Variants in SEPTIN11 observed in about 807,000 individuals in gnomAD.
SEPTIN11 encodes septin 11, also known as septin-11.
A neutral mutation model predicts 51.4 loss-of-function variants in SEPTIN11; 25 were observed. That is an observed-to-expected ratio of 0.49 (90% CI 0.35 to 0.68). SEPTIN11 has a LOEUF of 0.68. SEPTIN11 is among the 30% of genes least tolerant of loss of function. The probability of loss-of-function intolerance (pLI) is 0.00; values close to 1 mark genes in which losing one functional copy is unlikely to be tolerated. For synonymous variants in SEPTIN11, 174 were observed against 184.1 expected (o/e 0.95, Z 0.44); for missense variants, 381 against 520.8 (o/e 0.73, Z 2.61).
chr4:77,010,328 A>G (rs570850526), intron 3 of SEPTIN11, among the ~76,000 whole-genome samples: 4 of 152,196 alleles, frequency 2.6e-5, no homozygotes, highest in South Asian at 4.2e-4. Context: ...AAATATTATT[A>G]TTATTATGCA....
chr4:77,009,048 G>T (rs1277419762), intron 3 of SEPTIN11, among the ~76,000 whole-genome samples: 1 of 152,214 alleles, frequency 6.6e-6, no homozygotes, highest in Non-Finnish European at 1.5e-5. Flanking sequence ...TCATCAAGAA[G>T]AAATTATTTC....
At chr4:76,999,570 C>T (rs1376647581) in intron 2 of SEPTIN11, among the ~76,000 whole-genome samples, 2 of 152,016 alleles carry the variant, frequency 1.3e-5, no homozygotes, top group African/African-American at 2.4e-5. Context: ...ATTATGATCC[C>T]GGTAAGGAAA....
At chr4:76,949,955 G>T in intron 1 of SEPTIN11, 25 bp downstream of exon 1, 1 of 1,451,826 alleles carries the variant, frequency 6.9e-7, no homozygotes, top group Non-Finnish European at 9.0e-7. Flanking sequence ...CTCGCCTGCT[G>T]CTCCTCGGGC....
At chr4:76,957,723 T>C (rs1721624461) in intron 1 of SEPTIN11, among the ~76,000 whole-genome samples, 1 of 151,970 alleles carries the variant, frequency 6.6e-6, no homozygotes, top group East Asian at 1.9e-4. Flanking sequence ...CACACAGGCT[T>C]CCCATTTTCT....
At chr4:76,968,595 A>G (rs954872842) in intron 1 of SEPTIN11, among the ~76,000 whole-genome samples, 8 of 152,194 alleles carry the variant, frequency 5.3e-5, no homozygotes, top group Non-Finnish European at 1.0e-4. Context: ...GAACATTTTT[A>G]TTGATAAAAT....
chr4:76,972,878 T>A (rs570670844), intron 1 of SEPTIN11: 1 of 152,202 alleles, frequency 6.6e-6, no homozygotes, highest in Non-Finnish European at 1.5e-5. Flanking sequence ...AACAGACTTA[T>A]GAGTAGATGC....
intron 1 of SEPTIN11, among the ~76,000 whole-genome samples, chr4:76,970,940 A>G (rs1722212585): frequency 6.6e-6 from 1 of 152,218 alleles, no homozygotes; most frequent in Non-Finnish European, 1.5e-5. Flanking sequence ...AACTACCAAC[A>G]TGCTTGATGA....
In SEPTIN11 at chr4:76,995,590, C is replaced by T. The variant is rs144695815; in HGVS notation, c.28-835C>T. 1.2e-3 allele frequency among the ~76,000 whole-genome samples: 176 copies of T among 152,172 alleles called. 2 individuals are homozygous for T. The East Asian group carries it at 0.028, about 25-fold the overall frequency. On this transcript the variant is annotated intron_variant, in intron 1 of 9. Transcript: ENST00000264893. ...TAACCATGATATTATAACTGAGGGA[C>T]TGTAGCTGATCTCTGCATCTTGAGA... is the stretch of plus-strand genomic sequence containing the variant.
intron 5 of SEPTIN11, among the ~76,000 whole-genome samples, chr4:77,016,633 C>CATAGATATATATATATATAT (rs1725289338): frequency 1.4e-5 from 1 of 72,746 alleles, no homozygotes. Context: ...TATATATACA[C>CATAGATATATATATATATAT]ATATATATAT....
At chr4:76,957,412 CTAGAGTATCGGTTTTACCATT>C (rs1333578470) in intron 1 of SEPTIN11, among the ~76,000 whole-genome samples, 1 of 152,084 alleles carries the variant, frequency 6.6e-6, no homozygotes, top group Non-Finnish European at 1.5e-5. Flanking sequence ...TGCTCCGGTT[CTAGAGTATCGGTTTTACCATT>C]TAACAAGCTT....
At chr4:77,011,313 C>T (rs190305795) in intron 3 of SEPTIN11, among the ~76,000 whole-genome samples, 7 of 152,234 alleles carry the variant, frequency 4.6e-5, no homozygotes, top group Admixed American at 1.3e-4. Context: ...TTTTGAGGCC[C>T]AGTTTTGGCC....
chr4:76,968,927 C>T (rs993133396), intron 1 of SEPTIN11, among the ~76,000 whole-genome samples: 2 of 152,290 alleles, frequency 1.3e-5, no homozygotes, highest in East Asian at 3.9e-4. Context: ...GAACACTCCA[C>T]CCCTCTCAAT....
chr4:77,016,252 C>G (rs1446479991), intron 5 of SEPTIN11, among the ~76,000 whole-genome samples: 1 of 151,808 alleles, frequency 6.6e-6, no homozygotes, highest in Admixed American at 6.6e-5. Flanking sequence ...TATTATTCCT[C>G]CCTCATATAT....
At chr4:77,007,406 T>G (rs1264854819) in intron 3 of SEPTIN11, among the ~76,000 whole-genome samples, 1 of 152,160 alleles carries the variant, frequency 6.6e-6, no homozygotes, top group East Asian at 1.9e-4. Flanking sequence ...ATGAGAACCA[T>G]CCTCCACATA....
intron 5 of SEPTIN11, 46 bp from the exon 6 acceptor site, chr4:77,019,119 G>A (rs1246717952): frequency 6.4e-7 from 1 of 1,553,398 alleles, no homozygotes; most frequent in East Asian, 2.3e-5. Context: ...AAACCAGTCT[G>A]TCAGAGCAGG....
intron 1 of SEPTIN11, among the ~76,000 whole-genome samples, chr4:76,964,610 G>A (rs769734304): frequency 1.4e-4 from 22 of 152,268 alleles, no homozygotes; most frequent in Non-Finnish European, 2.5e-4. Context: ...GTTTAACAAA[G>A]ATAGGTCATG....
At chr4:76,974,608 GTCATTTGTAGACAGA>G (rs1181517814) in intron 1 of SEPTIN11, 1 of 387,566 alleles carries the variant, frequency 2.6e-6, no homozygotes. Flanking sequence ...TTCTAGATAG[GTCATTTGTAGACAGA>G]TTCTTCAGTC....
Position 77,036,129 on chromosome 4 carries a change from A to T in SEPTIN11, c.*1617A>T. Reference sequence around the variant, plus strand: ...AGGAAAGAAGGAATGGTCTTCCATGAACTGATTATGCTTAATTAAGCAAAG... The same window carrying T: ...AGGAAAGAAGGAATGGTCTTCCATGTACTGATTATGCTTAATTAAGCAAAG... On this transcript the variant is annotated 3_prime_UTR_variant, in exon 10 of 10. Transcript: ENST00000264893. 4.1e-6 allele frequency: 4 copies of T among 986,752 alleles called. No homozygotes were observed. Among genetic ancestry groups the T allele is most frequent in the Non-Finnish European group, 4.8e-6 (4 of 830,654 alleles). 61.1% of individuals were successfully genotyped at this position (986,752 alleles called of 1,614,324 possible). A position where few individuals can be genotyped will look rare whatever the true frequency, so the allele number is the denominator to read the frequency against.
Position 77,019,245 on chromosome 4 carries a change from C to T in SEPTIN11, c.768C>T (p.Pro256=), listed in dbSNP as rs1447814469. 6.2e-7 allele frequency: 1 copy of T among 1,612,534 alleles called. No homozygotes were observed. The highest frequency in any genetic ancestry group is 1.3e-5 in the African/African-American group (1 of 75,050). Residue 256 remains proline, a synonymous_variant, in exon 6 of 10, where the codon CCC becomes CCT. Transcript: ENST00000264893. ...GNKMAKARQY[P]WGVVQVENEN... ...AGATGGCAAAGGCCAGGCAGTACCCCTGGGGTGTGGTGCAGGGTATGTGCA... is the reference window on the plus strand; with the variant it reads ...AGATGGCAAAGGCCAGGCAGTACCCTTGGGGTGTGGTGCAGGGTATGTGCA...
Sources: gnomAD v4.1 joint callset for allele counts (sites outside exome capture counted in the v4.1 genomes callset) on GRCh38, gnomAD v4.1.1 for gene constraint, MANE v1.5 for transcripts, NCBI Gene and HGNC (gene_info 2026-07-23, HGNC 2026-07-21) for gene names.